Variants in FCRL5 observed in about 807,000 individuals in gnomAD.
FCRL5 encodes Fc receptor like 5.
FCRL5 carries 79 observed loss-of-function variants against 92.1 expected under a neutral mutation model. The ratio of observed to expected loss-of-function variants is 0.86; its 90% CI spans 0.72 to 1.03. FCRL5 has a LOEUF of 1.03. Ranked by LOEUF, FCRL5 falls within the 50% of genes least tolerant of loss-of-function variation. FCRL5 has a pLI of 0.00. For synonymous variants in FCRL5, 466 were observed against 469.3 expected (o/e 0.99, Z 0.09); for missense variants, 1,160 against 1,181.1 (o/e 0.98, Z 0.26).
chr1:157,546,218 T>C, intron 3 of FCRL5: 3 of 452,682 alleles, frequency 6.6e-6, no homozygotes, highest in Non-Finnish European at 1.3e-5. Flanking sequence ...GAGGCCTAGG[T>C]GAGCAGATCA....
chr1:157,547,847 C>A (rs1242015422), intron 2 of FCRL5, among the ~76,000 whole-genome samples: 2 of 152,164 alleles, frequency 1.3e-5, no homozygotes, highest in African/African-American at 4.8e-5. Context: ...CACTCAGAGC[C>A]AAAGGAATGG....
chr1:157,544,681 A>C, intron 4 of FCRL5, 135 bp from the exon 5 acceptor site: 2 of 1,418,630 alleles, frequency 1.4e-6, no homozygotes, highest in African/African-American at 1.4e-5. Context: ...CCTTCAGCCC[A>C]AAACACTACT....
chr1:157,519,074 G>A lies in FCRL5; in HGVS notation c.2661-292C>T, dbSNP rs750128651. ...CTGAAACAAACGGAGGCTCCAATAA[G>A]TGACTTATGAAGATCATGTAACCAG... is the stretch of plus-strand genomic sequence containing the variant. On this transcript the variant is annotated intron_variant, in intron 13 of 16. Coordinates refer to ENST00000361835, the MANE Select transcript of FCRL5 (RefSeq NM_031281.3). The A allele has an allele frequency of 2.0e-5, 5 of 251,602 alleles. No homozygotes were observed. In the East Asian group the frequency reaches 3.5e-4, roughly 18 times the overall value. 15.6% of individuals were successfully genotyped at this position (251,602 alleles called of 1,614,324 possible).
In FCRL5 at chr1:157,521,256, G is replaced by T. The variant is rs1169579959; in HGVS notation, c.2276C>A (p.Pro759His). 2.5e-6 allele frequency: 4 copies of T among 1,613,770 alleles called. No homozygotes were observed. In the Admixed American group the frequency reaches 6.7e-5, roughly 27 times the overall value. Residue 759 changes from proline (P) to histidine (H), a missense_variant, in exon 11 of 17, where the codon CCC becomes CAC. Pro to His is a moderately conservative substitution (Grantham distance 77, BLOSUM62 -2). Coordinates refer to ENST00000361835, the MANE Select transcript of FCRL5 (RefSeq NM_031281.3). ...GTCCCCCACCGCAGCATGGGTCCCG[G>T]GAGCCCTGAGGGTGAGGACCGGGCG... ...VSRPVLTLRAPGTHAAVGDLL... is the reference protein window; with the variant it reads ...VSRPVLTLRAHGTHAAVGDLL...
chr1:157,534,319 C>T (rs552788833), intron 8 of FCRL5: 58 of 704,832 alleles, frequency 8.2e-5, no homozygotes, highest in East Asian at 6.7e-4. Flanking sequence ...AAGTAGGACA[C>T]GCTCCGTGCA....
At chr1:157,534,584 G>C (rs752186597) in intron 8 of FCRL5, 30 bp downstream of exon 8, 3 of 1,613,740 alleles carry the variant, frequency 1.9e-6, no homozygotes, top group Non-Finnish European at 2.5e-6. Context: ...TCAGCCAGGG[G>C]TGGGTGACTG....
chr1:157,551,974 C>T (rs909746569), intron 1 of FCRL5, among the ~76,000 whole-genome samples: 13 of 152,134 alleles, frequency 8.5e-5, no homozygotes, highest in African/African-American at 3.1e-4. Flanking sequence ...ATAAATACAT[C>T]TCCTCTGCAG....
At chr1:157,545,129 C>G (rs1651469347) in intron 3 of FCRL5, 47 bp from the exon 4 acceptor site, 1 of 1,557,490 alleles carries the variant, frequency 6.4e-7, no homozygotes, top group Non-Finnish European at 8.6e-7. Context: ...ACTGTTTCCC[C>G]TTTCTTTTCA....
chr1:157,537,012 T>C (rs1004059803), intron 7 of FCRL5, among the ~76,000 whole-genome samples: 1 of 152,216 alleles, frequency 6.6e-6, no homozygotes, highest in Non-Finnish European at 1.5e-5. Context: ...CCCATCATTT[T>C]TGTAAACTGA....
At chr1:157,524,190 TGAG>T (rs760573415) in intron 10 of FCRL5, 86 bp downstream of exon 10, 1 of 1,438,684 alleles carries the variant, frequency 7.0e-7, no homozygotes, top group South Asian at 1.3e-5. Flanking sequence ...CAAACAGCCC[TGAG>T]GAGCTCTGTG....
chr1:157,520,570 G>A (rs1327475622), intron 11 of FCRL5, 23 bp from the exon 12 acceptor site: 6 of 1,555,594 alleles, frequency 3.9e-6, no homozygotes, highest in Non-Finnish European at 5.3e-6. Flanking sequence ...CCCTGTGTGT[G>A]AGCCAGAGGA....
Position 157,539,102 on chromosome 1 carries a change from C to T in FCRL5, c.1386G>A (p.Val462=). 6.2e-7 allele frequency: 1 copy of T among 1,613,564 alleles called. No individual in the cohort carries two copies. Among genetic ancestry groups the T allele is most frequent in the Non-Finnish European group, 8.5e-7 (1 of 1,179,830 alleles). ...AGGGCTTACCAGTGACGGAGAGGCTCACCGCCTTACTGCGCTGGGGGCCAA... is the reference window on the plus strand; with the variant it reads ...AGGGCTTACCAGTGACGGAGAGGCTTACCGCCTTACTGCGCTGGGGGCCAA... ...NGFGPQRSKA[V]SLSVTVPVSH... Residue 462 remains valine, a synonymous_variant, in exon 7 of 17, where the codon GTG becomes GTA. Transcript: ENST00000361835.
intron 8 of FCRL5, among the ~76,000 whole-genome samples, chr1:157,529,494 C>T (rs753281588): frequency 1.3e-5 from 2 of 152,170 alleles, no homozygotes; most frequent in Non-Finnish European, 2.9e-5. Context: ...GACACTTGCA[C>T]AAACGTGTTT....
chr1:157,529,593 G>T (rs1281182496), intron 8 of FCRL5, among the ~76,000 whole-genome samples: 1 of 54,754 alleles, frequency 1.8e-5, no homozygotes, highest in Non-Finnish European at 4.0e-5. Flanking sequence ...TGATACATAC[G>T]CATGTGTGTG....
At chr1:157,524,247 A>G (rs1188586417) in intron 10 of FCRL5, 32 bp downstream of exon 10, 1 of 1,612,490 alleles carries the variant, frequency 6.2e-7, no homozygotes, top group South Asian at 1.1e-5. Context: ...GTCAGTTCTC[A>G]GATGTGCTGC....
chr1:157,518,140 C>G (rs908290013), intron 15 of FCRL5, among the ~76,000 whole-genome samples: 23 of 152,144 alleles, frequency 1.5e-4, no homozygotes, highest in African/African-American at 5.6e-4. Flanking sequence ...GGGAAGTAGT[C>G]ACAGTTTATG....
intron 3 of FCRL5, among the ~76,000 whole-genome samples, chr1:157,545,961 T>C (rs1651515591): frequency 1.3e-5 from 2 of 152,232 alleles, no homozygotes; most frequent in Non-Finnish European, 2.9e-5. Flanking sequence ...TATTCCTTGC[T>C]AGTACACTGC....
At chr1:157,531,266 T>G (rs920798051) in intron 8 of FCRL5, among the ~76,000 whole-genome samples, 1 of 152,154 alleles carries the variant, frequency 6.6e-6, no homozygotes, top group African/African-American at 2.4e-5. Flanking sequence ...AAAACGCCAA[T>G]GAAGTATAAC....
intron 10 of FCRL5, chr1:157,522,170 A>T (rs1650228235): frequency 6.6e-6 from 1 of 152,264 alleles, no homozygotes. Flanking sequence ...AACAGTGGTT[A>T]TGTCTGGAGA....
Sources: gnomAD v4.1 joint callset for allele counts (sites outside exome capture counted in the v4.1 genomes callset) on GRCh38, gnomAD v4.1.1 for gene constraint, MANE v1.5 for transcripts, NCBI Gene and HGNC (gene_info 2026-07-23, HGNC 2026-07-21) for gene names.